The following GABRB1 variants were observed in gnomAD, a reference collection of about 807,000 sequenced individuals.
GABRB1 encodes gamma-aminobutyric acid type A receptor subunit beta1.
A neutral mutation model predicts 51.6 loss-of-function variants in GABRB1; 17 were observed. That is an observed-to-expected ratio of 0.33 (90% confidence interval 0.23 to 0.49). The LOEUF is 0.49. Ranked by LOEUF, GABRB1 falls within the 20% of genes least tolerant of loss-of-function variation. GABRB1 has a pLI of 0.99. For missense variants in GABRB1, 410 were observed against 600.6 expected (o/e 0.68, Z 3.32); for synonymous variants, 247 against 218.9 (o/e 1.13, Z -1.14).
intron 3 of GABRB1, among the ~76,000 whole-genome samples, chr4:47,121,772 G>A (rs1715787078): frequency 6.6e-6 from 1 of 152,126 alleles, no homozygotes. Flanking sequence ...GCAAATTAAA[G>A]ACAACAGTCG....
At chr4:47,188,532 T>C (rs1018110026) in intron 4 of GABRB1, among the ~76,000 whole-genome samples, 15 of 151,938 alleles carry the variant, frequency 9.9e-5, no homozygotes, top group Non-Finnish European at 1.9e-4. Context: ...GAAATTCTTA[T>C]ATATAAAAAC....
chr4:47,212,595 C>T lies in GABRB1; in HGVS notation c.461+51126C>T, dbSNP rs183088440. 1.6e-3 allele frequency among the ~76,000 whole-genome samples: 240 copies of T among 152,204 alleles called. 1 individual carries two copies. Among genetic ancestry groups the T allele is most frequent in the Admixed American group, 2.5e-3 (38 of 15,290 alleles). ...TAGGAAGGCTAAGGCTTGGGAATTGCTTGGGCCTGGTAGGTGGAGGTTGCA... is the reference window on the plus strand; with the variant it reads ...TAGGAAGGCTAAGGCTTGGGAATTGTTTGGGCCTGGTAGGTGGAGGTTGCA... On this transcript the variant is annotated intron_variant, in intron 4 of 8. Coordinates refer to ENST00000295454, the MANE Select transcript of GABRB1 (RefSeq NM_000812.4).
chr4:47,366,554 C>A (rs547259427), intron 5 of GABRB1, among the ~76,000 whole-genome samples: 3 of 152,138 alleles, frequency 2.0e-5, no homozygotes, highest in African/African-American at 7.2e-5. Flanking sequence ...CACAATCTGG[C>A]TCCAAACTGA....
At chr4:47,275,819 A>G (rs1469272510) in intron 4 of GABRB1, among the ~76,000 whole-genome samples, 1 of 152,144 alleles carries the variant, frequency 6.6e-6, no homozygotes, top group African/African-American at 2.4e-5. Context: ...CCTGGATAAC[A>G]CTTCTCAAGG....
intron 5 of GABRB1, among the ~76,000 whole-genome samples, chr4:47,335,148 A>G (rs1725648701): frequency 6.6e-6 from 1 of 152,128 alleles, no homozygotes; most frequent in South Asian, 2.1e-4. Flanking sequence ...TGTGAGCTTC[A>G]GGGTCTCAGC....
intron 5 of GABRB1, among the ~76,000 whole-genome samples, chr4:47,378,637 A>G (rs1727482745): frequency 6.6e-6 from 1 of 152,164 alleles, no homozygotes; most frequent in African/African-American, 2.4e-5. Context: ...GGCATGCACC[A>G]CCACGCCCAG....
chr4:47,215,191 A>G (rs1053245988), intron 4 of GABRB1, among the ~76,000 whole-genome samples: 25 of 152,058 alleles, frequency 1.6e-4, no homozygotes, highest in African/African-American at 6.0e-4. Context: ...AATGGGTGCT[A>G]TTTATTACAA....
chr4:47,339,823 G>GCACACA (rs150988131), intron 5 of GABRB1, among the ~76,000 whole-genome samples: 7,911 of 141,896 alleles, frequency 0.056, 263 homozygotes, highest in African/African-American at 0.093. Context: ...ATAAATAAAT[G>GCACACA]CACACACACA....
At chr4:47,066,643 G>A (rs1204597742) in intron 3 of GABRB1, among the ~76,000 whole-genome samples, 1 of 152,138 alleles carries the variant, frequency 6.6e-6, no homozygotes, top group African/African-American at 2.4e-5. Context: ...ATCCATCCAA[G>A]TTTTATCATG....
intron 1 of GABRB1, chr4:46,994,508 G>A (rs12499014): frequency 2.3e-5 from 3 of 128,146 alleles, no homozygotes; most frequent in African/African-American, 8.8e-5. Flanking sequence ...GAGAGACAGA[G>A]AGAGACAGAG....
intron 1 of GABRB1, among the ~76,000 whole-genome samples, chr4:47,000,147 T>A (rs1022330766): frequency 6.6e-6 from 1 of 152,122 alleles, no homozygotes; most frequent in Non-Finnish European, 1.5e-5. Flanking sequence ...CTCTCAATAA[T>A]GATAATACCT....
At chr4:47,117,572 C>T (rs1264951028) in intron 3 of GABRB1, among the ~76,000 whole-genome samples, 2 of 152,138 alleles carry the variant, frequency 1.3e-5, no homozygotes, top group East Asian at 3.9e-4. Flanking sequence ...AATAGTTTTG[C>T]AATATATTTG....
chr4:47,279,124 A>G, intron 4 of GABRB1, among the ~76,000 whole-genome samples: 1 of 151,832 alleles, frequency 6.6e-6, no homozygotes, highest in East Asian at 1.9e-4. Context: ...GGATGGATGG[A>G]TGGATGGATA....
intron 4 of GABRB1, among the ~76,000 whole-genome samples, chr4:47,172,437 A>G (rs898960039): frequency 6.6e-6 from 1 of 152,058 alleles, no homozygotes; most frequent in African/African-American, 2.4e-5. Flanking sequence ...CACAAAACAC[A>G]TTTTGAGAAG....
intron 4 of GABRB1, among the ~76,000 whole-genome samples, chr4:47,301,206 C>G (rs967246279): frequency 1.3e-5 from 2 of 152,132 alleles, no homozygotes; most frequent in Non-Finnish European, 2.9e-5. Context: ...ATGAGATACA[C>G]TACTCTGGCA....
chr4:47,195,360 C>T (rs569965925), intron 4 of GABRB1, among the ~76,000 whole-genome samples: 2 of 141,494 alleles, frequency 1.4e-5, no homozygotes, highest in African/African-American at 5.2e-5. Flanking sequence ...AGGGAGACTC[C>T]GTCTCAAAAT....
intron 4 of GABRB1, among the ~76,000 whole-genome samples, chr4:47,191,932 T>G (rs950577075): frequency 2.6e-5 from 4 of 152,114 alleles, no homozygotes; most frequent in African/African-American, 7.2e-5. Flanking sequence ...TGCAGACACA[T>G]AGAATACTGA....
intron 5 of GABRB1, among the ~76,000 whole-genome samples, chr4:47,338,225 T>C (rs534866142): frequency 1.6e-4 from 24 of 152,326 alleles, no homozygotes; most frequent in African/African-American, 5.8e-4. Context: ...AAGTGCTATT[T>C]GTCTCACTCT....
intron 3 of GABRB1, among the ~76,000 whole-genome samples, chr4:47,121,220 C>A (rs1205134426): frequency 1.3e-5 from 2 of 152,138 alleles, no homozygotes; most frequent in African/African-American, 4.8e-5. Context: ...TGTGTGTTGG[C>A]TGAGTTCTGC....
Sources: gnomAD v4.1 joint callset for allele counts (sites outside exome capture counted in the v4.1 genomes callset) on GRCh38, gnomAD v4.1.1 for gene constraint, MANE v1.5 for transcripts, NCBI Gene and HGNC (gene_info 2026-07-23, HGNC 2026-07-21) for gene names.